PHLPP1: variants seen among roughly 807,000 people sequenced by gnomAD.
PHLPP1 encodes PH domain leucine-rich repeat-containing protein phosphatase 1.
A neutral mutation model predicts 117.2 loss-of-function variants in PHLPP1; 42 were observed. The observed-to-expected ratio is 0.36, with a 90% CI of 0.28 to 0.46. The LOEUF (loss-of-function observed/expected upper bound fraction) is 0.46, where lower values mean the gene tolerates loss of function less well. PHLPP1 is among the 20% of genes least tolerant of loss of function. The probability of loss-of-function intolerance (pLI) is 1.00; values close to 1 mark genes in which losing one functional copy is unlikely to be tolerated. For synonymous variants in PHLPP1, 1,042 were observed against 970.7 expected, an observed-to-expected ratio of 1.07 and a Z score of -1.37; for missense variants, 2,084 against 2,241.9, an observed-to-expected ratio of 0.93 and a Z score of 1.42.
intron 1 of PHLPP1, among the ~76,000 whole-genome samples, chr18:62,799,424 C>G (rs1303456207): frequency 6.6e-6 from 1 of 152,106 alleles, no homozygotes; most frequent in Non-Finnish European, 1.5e-5. Context: ...TCTTTTTAAC[C>G]TGTCATCACA....
chr18:62,971,694 C>G (rs1461394977), intron 14 of PHLPP1, among the ~76,000 whole-genome samples: 1 of 152,094 alleles, frequency 6.6e-6, no homozygotes, highest in Non-Finnish European at 1.5e-5. Flanking sequence ...GACCTGTGCT[C>G]TTATTGTCCA....
At position 62,931,782 on chromosome 18, in the gene PHLPP1, C is replaced by G. The variant is rs563222276; in HGVS notation, c.2961-9936C>G. On this transcript the variant is annotated intron_variant, in intron 10 of 16. Coordinates refer to ENST00000262719, the MANE Select transcript of PHLPP1 (RefSeq NM_194449.4). Reference sequence around the variant, plus strand: ...TGGTGGCACATGTCTATAATCCCAGCTACTAGGGAGGCTGAGGCAGGAGAA... The same window carrying G: ...TGGTGGCACATGTCTATAATCCCAGGTACTAGGGAGGCTGAGGCAGGAGAA... 2.0e-5 allele frequency among the ~76,000 whole-genome samples: 3 copies of G among 149,450 alleles called. No homozygotes were observed. The Admixed American group carries it at 2.0e-4, about 10-fold the overall frequency.
At chr18:62,860,028 T>C (rs932871486) in intron 3 of PHLPP1, among the ~76,000 whole-genome samples, 9 of 152,210 alleles carry the variant, frequency 5.9e-5, no homozygotes, top group African/African-American at 2.2e-4. Flanking sequence ...CAAACCTAGA[T>C]GGTGTTAGCC....
chr18:62,961,451 T>C (rs796711550), intron 13 of PHLPP1, among the ~76,000 whole-genome samples: 83 of 152,272 alleles, frequency 5.5e-4, no homozygotes, highest in African/African-American at 1.8e-3. Flanking sequence ...AAGAGTTATT[T>C]TTTTTTTCCT....
chr18:62,973,671 G>A (rs571947430), intron 15 of PHLPP1, among the ~76,000 whole-genome samples: 61 of 152,130 alleles, frequency 4.0e-4, no homozygotes, highest in Non-Finnish European at 5.3e-4. Flanking sequence ...GCAAGCCTGG[G>A]GTGGTTCTTG....
Position 62,766,077 on chromosome 18 carries a change from A to AAAATATATATATAT in PHLPP1, c.1576+48818_1576+48819insAAATATATATATAT. Among the ~76,000 whole-genome samples, 2 of 20,986 alleles carry AAAATATATATATAT rather than the reference A, an allele frequency of 9.5e-5. 1 individual carries two copies. Among genetic ancestry groups the AAAATATATATATAT allele is most frequent in the Admixed American group, 1.1e-3 (2 of 1,832 alleles). 13.8% of individuals were successfully genotyped at this position (20,986 alleles called of 152,430 possible). On this transcript the variant is annotated intron_variant, in intron 1 of 16. Transcript: ENST00000262719. ...CTCCATCTCAAAAAAAAAAAAAAAA[A>AAAATATATATATAT]TATATATATATATATATATATATAT...
At position 62,715,770 on chromosome 18, in the gene PHLPP1, G is replaced by GGCA. The variant is rs754224940; in HGVS notation, c.102_104dup (p.Ala40dup). The stretch of plus-strand genomic sequence containing the variant: ...CTTCGGCTCCGGCGGCCGCCGCTGC[G>GGCA]GCAGCAGCAGCAGCAGCGGCGGCCG... On this transcript the variant is annotated inframe_insertion, in exon 1 of 17. Transcript: ENST00000262719. 62 of 948,646 alleles carry GGCA rather than the reference G, an allele frequency of 6.5e-5. No individual in the cohort carries two copies. The highest frequency in any genetic ancestry group is 1.5e-4 in the South Asian group (3 of 20,588). 58.8% of individuals were successfully genotyped at this position (948,646 alleles called of 1,614,324 possible). A position where few individuals can be genotyped will look rare whatever the true frequency, so the allele number is the denominator to read the frequency against.
intron 6 of PHLPP1, among the ~76,000 whole-genome samples, chr18:62,897,007 C>T (rs950678351): frequency 1.3e-5 from 2 of 152,130 alleles, no homozygotes; most frequent in Middle Eastern, 3.2e-3. Flanking sequence ...GAACTCTAAA[C>T]ACTTTGTTAA....
At chr18:62,961,506 G>C (rs1382078158) in intron 13 of PHLPP1, among the ~76,000 whole-genome samples, 1 of 151,880 alleles carries the variant, frequency 6.6e-6, no homozygotes, top group South Asian at 2.1e-4. Context: ...TGAAGACTTT[G>C]TGTTCTGTAA....
At chr18:62,844,648 A>T (rs1249322164) in intron 3 of PHLPP1, among the ~76,000 whole-genome samples, 1 of 152,188 alleles carries the variant, frequency 6.6e-6, no homozygotes, top group Non-Finnish European at 1.5e-5. Flanking sequence ...ACTCTAGAAG[A>T]TGAGGACTCT....
At position 62,920,019 on chromosome 18, in the gene PHLPP1, G is replaced by A. The variant is rs745801514; in HGVS notation, c.2865G>A (p.Leu955=). 14 of 1,611,382 alleles carry A rather than the reference G, an allele frequency of 8.7e-6. No homozygotes were observed. The South Asian group carries it at 1.3e-4, about 15-fold the overall frequency. Residue 955 remains leucine (L), a synonymous_variant, in exon 10 of 17, where the codon CTG becomes CTA. Coordinates refer to ENST00000262719, the MANE Select transcript of PHLPP1 (RefSeq NM_194449.4). ...CAGGACACAACCAGTTGGCAAGGCT[G>A]CCTGAAAGGCTAGAAAGAACCTCGG... ...LLAGHNQLAR[L]PERLERTSVE... is the part of the protein sequence containing the mutation.
intron 10 of PHLPP1, among the ~76,000 whole-genome samples, chr18:62,932,697 C>T (rs1909851065): frequency 6.6e-6 from 1 of 152,142 alleles, no homozygotes; most frequent in African/African-American, 2.4e-5. Flanking sequence ...TTCCCCCTAA[C>T]ACTGGAACAA....
At chr18:62,762,099 T>C (rs1912263589) in intron 1 of PHLPP1, among the ~76,000 whole-genome samples, 2 of 152,142 alleles carry the variant, frequency 1.3e-5, no homozygotes, top group African/African-American at 2.4e-5. Flanking sequence ...TTATAAGTGC[T>C]ATGAGTATTC....
rs373060800 is a variant in PHLPP1 at position 62,945,208 on chromosome 18, C to G, written c.3261C>G (p.Thr1087=). Residue 1087 remains threonine, a synonymous_variant, in exon 12 of 17, where the codon ACC becomes ACG. Transcript: ENST00000262719. ...TTIMNCRRMH[T]VIAHSNCIEV... ...TCATGAATTGCAGGCGCATGCACAC[C>G]GTGATTGCTCACTCCAACTGCATCG... 23 of 1,612,592 alleles carry G rather than the reference C, an allele frequency of 1.4e-5. No individual in the cohort carries two copies. Among genetic ancestry groups the G allele is most frequent in the Non-Finnish European group, 2.0e-5 (23 of 1,179,334 alleles).
intron 15 of PHLPP1, 23 bp downstream of exon 15, chr18:62,972,731 A>G (rs757510115): frequency 1.3e-6 from 2 of 1,543,776 alleles, no homozygotes; most frequent in Non-Finnish European, 1.8e-6. Context: ...GTTCCTGCTT[A>G]CCTGCTGTGT....
chr18:62,930,419 T>C (rs547443272), intron 10 of PHLPP1, among the ~76,000 whole-genome samples: 3 of 151,660 alleles, frequency 2.0e-5, no homozygotes, highest in Admixed American at 6.6e-5. Flanking sequence ...AGAGTAGGAG[T>C]TGCTATTCTT....
intron 6 of PHLPP1, among the ~76,000 whole-genome samples, chr18:62,901,849 C>T (rs1407768289): frequency 1.3e-5 from 2 of 151,816 alleles, no homozygotes; most frequent in Non-Finnish European, 1.5e-5. Flanking sequence ...AGGCTGGTCT[C>T]GAACTCCTGA....
At chr18:62,797,636 T>C (rs533953204) in intron 1 of PHLPP1, among the ~76,000 whole-genome samples, 1 of 152,348 alleles carries the variant, frequency 6.6e-6, no homozygotes, top group South Asian at 2.1e-4. Flanking sequence ...CCTTGTCATC[T>C]CTTATTTTCT....
rs1420884745 is a variant in PHLPP1 at position 62,715,668 on chromosome 18, G to A, written c.-16G>A. On this transcript the variant is annotated 5_prime_UTR_variant, in exon 1 of 17. Coordinates refer to ENST00000262719, the MANE Select transcript of PHLPP1 (RefSeq NM_194449.4). ...CTGCCTCCGGAGCTGGGGGGGAAAC[G>A]CGAAGCCCCACTGCAATGGAGCCCG... The A allele has an allele frequency of 5.5e-6, 7 of 1,275,016 alleles. 1 individual carries two copies. The highest frequency in any genetic ancestry group is 4.6e-5 in the African/African-American group (3 of 64,980). The allele number at this position is 1,275,016 out of a possible 1,614,324, so 79.0% of individuals were successfully genotyped here.
Sources: allele counts gnomAD v4.1 joint callset (sites outside exome capture counted in the v4.1 genomes callset), GRCh38; gene constraint gnomAD v4.1.1; transcripts MANE v1.5; gene names NCBI Gene and HGNC (gene_info 2026-07-23, HGNC 2026-07-21).